The following ACACB variants were observed in gnomAD, a reference collection of about 807,000 sequenced individuals.
ACACB encodes the protein acetyl-CoA carboxylase beta, also known as acetyl-CoA carboxylase 2.
Under a neutral mutation model 278.8 loss-of-function variants are expected in ACACB, and 209 were observed. The observed-to-expected ratio is 0.75, with a 90% CI of 0.67 to 0.84. The LOEUF (loss-of-function observed/expected upper bound fraction) is 0.84, where lower values mean the gene tolerates loss of function less well. Among genes scored for constraint, ACACB ranks in the 40% least tolerant of loss-of-function variants. The pLI, the probability that ACACB is intolerant of heterozygous loss-of-function variation, is 0.00. For missense variants in ACACB, 2,850 were observed against 3,269.0 expected, an observed-to-expected ratio of 0.87 and a Z score of 3.13; for synonymous variants, 1,174 against 1,285.6, an observed-to-expected ratio of 0.91 and a Z score of 1.86.
chr12:109,176,332 C>A, intron 9 of ACACB, 69 bp downstream of exon 9: 1 of 1,342,256 alleles, frequency 7.5e-7, no homozygotes, highest in Non-Finnish European at 1.1e-6. Flanking sequence ...CAGATTATTT[C>A]TCTTAGCATT....
chr12:109,127,831 G>T (rs767293710), intron 1 of ACACB, among the ~76,000 whole-genome samples: 6 of 152,022 alleles, frequency 3.9e-5, no homozygotes, highest in Non-Finnish European at 8.8e-5. Context: ...CTTACAGTTC[G>T]CAGGGAGGGT....
rs2042639551 is a variant in ACACB at position 109,124,873 on chromosome 12, C to G, written c.-10+8169C>G. Among the ~76,000 whole-genome samples, 3 of 152,160 alleles carry G rather than the reference C, an allele frequency of 2.0e-5. No homozygotes were observed. The South Asian group carries it at 6.2e-4, about 32-fold the overall frequency. On this transcript the variant is annotated intron_variant, in intron 1 of 52. Transcript: ENST00000338432. Reference sequence around the variant, plus strand: ...GGGACCACAGGCGCTCGCCACCATGCCTGGCTAATTTTATGTATTTTTGAT... The same window carrying G: ...GGGACCACAGGCGCTCGCCACCATGGCTGGCTAATTTTATGTATTTTTGAT...
rs1407649208 is a variant in ACACB at position 109,235,318 on chromosome 12, T to C, written c.4353T>C (p.Asn1451=). The change falls in exon 32 of 53, where the codon AAT becomes AAC. Residue 1451 remains asparagine (N), a synonymous_variant. Coordinates refer to ENST00000338432, the MANE Select transcript of ACACB (RefSeq NM_001093.4). ...ILRTFVQSKK[N]ILVDYGLRRI... is the part of the protein sequence containing the mutation. ...GTCTTTGGTTTTTAATGCAGAAAAATATCCTTGTGGATTATGGACTCCGAC... is the reference window on the plus strand; with the variant it reads ...GTCTTTGGTTTTTAATGCAGAAAAACATCCTTGTGGATTATGGACTCCGAC... The C allele has an allele frequency of 1.2e-6, 2 of 1,613,950 alleles. No homozygotes were observed. The highest frequency in any genetic ancestry group is 1.1e-5 in the South Asian group (1 of 91,078).
Position 109,179,295 on chromosome 12 carries a change from C to T in ACACB, c.1645C>T (p.Gln549Ter). 6.2e-7 allele frequency: 1 copy of T among 1,612,850 alleles called. No individual in the cohort carries two copies. Among genetic ancestry groups the T allele is most frequent in the Non-Finnish European group, 8.5e-7 (1 of 1,179,716 alleles). ...GCTGGCCATATTCGAGTTCATGGAG[C>T]AGGTACACTTCTCAGAGCCCAGGGG... ...APLAIFEFME[Q>*]CAIRLAKTVG... The change falls in exon 10 of 53, where the codon CAG (glutamine) becomes TAG (stop). Residue 549 changes from glutamine to a stop codon, truncating the protein, a stop_gained and splice_region_variant. Coordinates refer to ENST00000338432, the MANE Select transcript of ACACB (RefSeq NM_001093.4). LOFTEE classifies it high-confidence loss of function.
chr12:109,195,198 G>A (rs2045074962), intron 16 of ACACB, among the ~76,000 whole-genome samples: 1 of 152,206 alleles, frequency 6.6e-6, no homozygotes, highest in African/African-American at 2.4e-5. Context: ...GCAGGAGGCT[G>A]TGTCCCCTGT....
At chr12:109,148,106 T>TC (rs2043287621) in intron 2 of ACACB, among the ~76,000 whole-genome samples, 1 of 152,098 alleles carries the variant, frequency 6.6e-6, no homozygotes, top group African/African-American at 2.4e-5. Flanking sequence ...TCCTCCCATC[T>TC]CCTCCCCTTT....
chr12:109,140,703 T>C (rs192714501), intron 2 of ACACB, among the ~76,000 whole-genome samples: 2 of 152,178 alleles, frequency 1.3e-5, no homozygotes, highest in South Asian at 2.1e-4. Flanking sequence ...ATCTACTGCA[T>C]GCACAGGGCT....
intron 2 of ACACB, among the ~76,000 whole-genome samples, chr12:109,150,197 A>G (rs2136072562): frequency 6.6e-6 from 1 of 152,298 alleles, no homozygotes; most frequent in South Asian, 2.1e-4. Context: ...CTGAGCTGCA[A>G]TTTCCTGCTC....
intron 15 of ACACB, among the ~76,000 whole-genome samples, chr12:109,192,431 T>C (rs1482823513): frequency 6.6e-6 from 1 of 150,674 alleles, no homozygotes; most frequent in Non-Finnish European, 1.5e-5. Context: ...TGCTGGATGC[T>C]TTTTTTTTGT....
chr12:109,172,697 A>T (rs746213545), intron 6 of ACACB, among the ~76,000 whole-genome samples: 55 of 152,206 alleles, frequency 3.6e-4, no homozygotes, highest in Non-Finnish European at 6.3e-4. Context: ...GAGAAAAGGG[A>T]ACGCTTATGC....
chr12:109,147,463 T>A (rs2043270870), intron 2 of ACACB, among the ~76,000 whole-genome samples: 1 of 150,412 alleles, frequency 6.6e-6, no homozygotes, highest in Non-Finnish European at 1.5e-5. Flanking sequence ...TAGGCTGGTC[T>A]TGAACTCCTG....
intron 2 of ACACB, among the ~76,000 whole-genome samples, chr12:109,159,924 T>C (rs1041370048): frequency 6.6e-6 from 1 of 151,908 alleles, no homozygotes; most frequent in Admixed American, 6.6e-5. Flanking sequence ...ACCCCATTTC[T>C]ACTAAAAATA....
At chr12:109,166,222 T>C (rs992891600) in intron 2 of ACACB, among the ~76,000 whole-genome samples, 1 of 152,198 alleles carries the variant, frequency 6.6e-6, no homozygotes, top group African/African-American at 2.4e-5. Flanking sequence ...ACTTCTTCCC[T>C]GATCATAAAA....
chr12:109,243,897 T>TATATATATATATATATATATATATA (rs1565965174), intron 37 of ACACB, among the ~76,000 whole-genome samples: 2 of 147,402 alleles, frequency 1.4e-5, no homozygotes, highest in African/African-American at 4.9e-5. Flanking sequence ...ATATATATAT[T>TATATATATATATATATATATATATA]TATTTATTTA....
intron 25 of ACACB, 72 bp from the exon 26 acceptor site, chr12:109,222,727 C>T: frequency 6.5e-7 from 1 of 1,532,924 alleles, no homozygotes. Flanking sequence ...GTGCTGCCGG[C>T]CCGTGCCCGA....
At chr12:109,258,175 TCTC>T (rs994858212) in intron 45 of ACACB, 90 bp from the exon 46 acceptor site, 5 of 815,146 alleles carry the variant, frequency 6.1e-6, no homozygotes, top group Non-Finnish European at 9.7e-6. Flanking sequence ...AAAAGAGCAT[TCTC>T]CTCCACGTGC....
chr12:109,262,391 A>G lies in ACACB; in HGVS notation c.6709A>G (p.Ile2237Val). 1 of 1,613,434 alleles carries G rather than the reference A, an allele frequency of 6.2e-7. No individual in the cohort carries two copies. ...GVLEPEGTVE[I>V]KFRKKDLIKS... ...TCTGGAACCAGAGGGGACAGTGGAG[A>G]TTAAGTTCCGAAAGAAAGATCTGAT... Residue 2237 changes from isoleucine (I) to valine (V), a missense_variant, in exon 49 of 53, where the codon ATT becomes GTT. Physicochemically the swap from Ile to Val is conservative, Grantham distance 29. Transcript: ENST00000338432.
At chr12:109,257,110 C>G (rs1430885431) in intron 45 of ACACB, among the ~76,000 whole-genome samples, 2 of 151,994 alleles carry the variant, frequency 1.3e-5, no homozygotes, top group Non-Finnish European at 2.9e-5. Context: ...CCCGTCTCTA[C>G]TGAAAATACA....
chr12:109,243,336 C>T (rs2046852176), intron 37 of ACACB, among the ~76,000 whole-genome samples: 1 of 152,184 alleles, frequency 6.6e-6, no homozygotes, highest in Non-Finnish European at 1.5e-5. Flanking sequence ...CAGTGGCTCA[C>T]GCCTGTAATC....
Sources: allele counts gnomAD v4.1 joint callset (sites outside exome capture counted in the v4.1 genomes callset), GRCh38; gene constraint gnomAD v4.1.1; transcripts MANE v1.5; gene names NCBI Gene and HGNC (gene_info 2026-07-23, HGNC 2026-07-21).